SATB2: variants seen among roughly 807,000 people sequenced by gnomAD.
The protein encoded by SATB2 is SATB homeobox 2.
Under a neutral mutation model 73.4 loss-of-function variants are expected in SATB2, and 1 was observed. The ratio of observed to expected loss-of-function variants is 0.01; its 90% confidence interval spans 0.00 to 0.06. The LOEUF (loss-of-function observed/expected upper bound fraction) is 0.06. SATB2 is among the 10% of genes least tolerant of loss of function. SATB2 has a pLI of 1.00. For missense variants in SATB2, 459 were observed against 945.8 expected (o/e 0.49, Z 6.75); for synonymous variants, 397 against 367.0 (o/e 1.08, Z -0.93).
chr2:199,376,360 A>T (rs1426817605), intron 5 of SATB2, among the ~76,000 whole-genome samples: 4 of 152,198 alleles, frequency 2.6e-5, no homozygotes, highest in Non-Finnish European at 1.5e-5. Context: ...ATAAAACTAT[A>T]CTTTATGAAA....
chr2:199,321,695 T>C (rs1216622054), intron 9 of SATB2, among the ~76,000 whole-genome samples: 1 of 152,046 alleles, frequency 6.6e-6, no homozygotes, highest in Admixed American at 6.6e-5. Flanking sequence ...CTGATACTTA[T>C]AAAATGGAGT....
At chr2:199,361,844 A>C (rs1689147409) in intron 6 of SATB2, among the ~76,000 whole-genome samples, 1 of 146,314 alleles carries the variant, frequency 6.8e-6, no homozygotes, top group Non-Finnish European at 1.5e-5. Flanking sequence ...TTCGACCTCC[A>C]CTTCCTGGGT....
At chr2:199,345,503 C>T (rs951355785) in intron 7 of SATB2, among the ~76,000 whole-genome samples, 2 of 147,504 alleles carry the variant, frequency 1.4e-5, no homozygotes, top group Non-Finnish European at 1.5e-5. Context: ...GTCAAAATAA[C>T]CCAATCTAAA....
At chr2:199,295,972 A>G (rs1160534842) in intron 10 of SATB2, among the ~76,000 whole-genome samples, 1 of 152,170 alleles carries the variant, frequency 6.6e-6, no homozygotes, top group African/African-American at 2.4e-5. Context: ...TTACAAGGGG[A>G]AGTTCCAGAC....
intron 6 of SATB2, among the ~76,000 whole-genome samples, chr2:199,366,254 G>C (rs1689279594): frequency 6.6e-6 from 1 of 152,112 alleles, no homozygotes; most frequent in South Asian, 2.1e-4. Flanking sequence ...ACTACTACTG[G>C]TTTCCAAATT....
At chr2:199,345,259 C>A (rs1274336222) in intron 7 of SATB2, among the ~76,000 whole-genome samples, 1 of 152,048 alleles carries the variant, frequency 6.6e-6, no homozygotes, top group African/African-American at 2.4e-5. Context: ...CTTCCTAGCG[C>A]CAAACTCATA....
chr2:199,305,853 A>C (rs866479683), intron 10 of SATB2, among the ~76,000 whole-genome samples: 5 of 152,182 alleles, frequency 3.3e-5, no homozygotes, highest in South Asian at 2.1e-4. Context: ...AGAAATTTAA[A>C]TGGCATGCTT....
chr2:199,423,106 T>G (rs1384202319), intron 3 of SATB2, among the ~76,000 whole-genome samples: 1 of 152,122 alleles, frequency 6.6e-6, no homozygotes, highest in Admixed American at 6.5e-5. Context: ...AAGTCTATAT[T>G]TGCCAAAACC....
At chr2:199,440,994 A>G (rs1344853030) in intron 2 of SATB2, among the ~76,000 whole-genome samples, 1 of 151,968 alleles carries the variant, frequency 6.6e-6, no homozygotes, top group Admixed American at 6.6e-5. Context: ...GATTATAGGC[A>G]TGTGCCACCG....
chr2:199,377,760 G>A (rs1019622626), intron 5 of SATB2, among the ~76,000 whole-genome samples: 4 of 152,060 alleles, frequency 2.6e-5, no homozygotes, highest in Non-Finnish European at 5.9e-5. Flanking sequence ...AAGTCATGAG[G>A]CAAGAAGACC....
chr2:199,313,325 G>T (rs1402958720), intron 9 of SATB2, among the ~76,000 whole-genome samples: 1 of 152,100 alleles, frequency 6.6e-6, no homozygotes, highest in African/African-American at 2.4e-5. Context: ...TATACATGGA[G>T]CCTAAGTGTA....
At chr2:199,442,849 T>A (rs1691859090) in intron 2 of SATB2, among the ~76,000 whole-genome samples, 1 of 152,152 alleles carries the variant, frequency 6.6e-6, no homozygotes, top group Admixed American at 6.5e-5. Context: ...ATTGTTGAAG[T>A]ATCCTTAGTT....
At chr2:199,469,569 G>A (rs552106414), upstream of SATB2, 612 of 152,632 alleles carry the variant, frequency 4.0e-3, 2 homozygotes, top group Non-Finnish European at 6.3e-3. Context: ...GGAGCGTAAA[G>A]TAGCGAGATC....
At chr2:199,452,024 GT>G (rs1197602392) in intron 2 of SATB2, among the ~76,000 whole-genome samples, 4 of 151,830 alleles carry the variant, frequency 2.6e-5, no homozygotes, top group African/African-American at 4.8e-5. Context: ...AAATAAGCAA[GT>G]TTTTTTAATA....
In SATB2 at chr2:199,463,707, C is replaced by T. The variant is rs1333251040; in HGVS notation, c.-141+1129G>A. 1.3e-5 allele frequency among the ~76,000 whole-genome samples: 2 copies of T among 152,182 alleles called. No individual in the cohort carries two copies. Among genetic ancestry groups the T allele is most frequent in the African/African-American group, 4.8e-5 (2 of 41,462 alleles). On this transcript the variant is annotated intron_variant, in intron 1 of 11. Coordinates refer to the SATB2 transcript ENST00000260926. The surrounding 1 kb of genome is among the most constrained non-coding windows in gnomAD (Gnocchi z 6.4). ...GCAGGTCCCTGGCCCAGGGTACCAC[C>T]GGGCCACTCAACACAAAAACGCCCT...
chr2:199,343,397 AGCTGG>A (rs1688562794), intron 7 of SATB2, among the ~76,000 whole-genome samples: 1 of 152,244 alleles, frequency 6.6e-6, no homozygotes, highest in Non-Finnish European at 1.5e-5. Context: ...TGTTTATTAT[AGCTGG>A]CAAGTCATTA....
At chr2:199,423,165 A>T (rs1374985817) in intron 3 of SATB2, among the ~76,000 whole-genome samples, 8 of 152,166 alleles carry the variant, frequency 5.3e-5, no homozygotes, top group Non-Finnish European at 1.2e-4. Context: ...AGCATAATAT[A>T]ATGTTAGGTC....
rs571782999 is a variant in SATB2, at chr2:199,283,122, C to T, written c.1741-10450G>A. 1.3e-4 allele frequency among the ~76,000 whole-genome samples: 19 copies of T among 146,326 alleles called. No individual in the cohort carries two copies. The East Asian group carries it at 2.6e-3, about 20-fold the overall frequency. ...TTTTTGAGATGGAATCTCACTCTGTCGCCCAGGCTGGAGTGCAATGGTGCG... is the reference window on the plus strand; with the variant it reads ...TTTTTGAGATGGAATCTCACTCTGTTGCCCAGGCTGGAGTGCAATGGTGCG... On this transcript the variant is annotated intron_variant, in intron 10 of 10. Transcript: ENST00000417098.
At chr2:199,430,541 G>A (rs1691471345) in intron 3 of SATB2, among the ~76,000 whole-genome samples, 1 of 152,130 alleles carries the variant, frequency 6.6e-6, no homozygotes, top group African/African-American at 2.4e-5. Context: ...CAGTTACCAT[G>A]GTTTATGACA....
Sources: allele counts gnomAD v4.1 joint callset (sites outside exome capture counted in the v4.1 genomes callset), GRCh38; gene constraint gnomAD v4.1.1; non-coding constraint Gnocchi (gnomAD v3.1); transcripts MANE v1.5; gene names NCBI Gene and HGNC (gene_info 2026-07-23, HGNC 2026-07-21).